Variants in CALN1 observed in about 807,000 individuals in gnomAD.
CALN1 encodes the protein calneuron 1.
A neutral mutation model predicts 30.6 loss-of-function variants in CALN1; 17 were observed. The observed-to-expected ratio is 0.56, with a 90% CI of 0.38 to 0.83. The LOEUF (loss-of-function observed/expected upper bound fraction) is 0.83, where lower values mean the gene tolerates loss of function less well. Among genes scored for constraint, CALN1 ranks in the 40% least tolerant of loss-of-function variants. The probability of loss-of-function intolerance (pLI) is 0.00; values close to 1 mark genes in which losing one functional copy is unlikely to be tolerated. For missense variants in CALN1, 291 were observed against 354.9 expected, an observed-to-expected ratio of 0.82 and a Z score of 1.45; for synonymous variants, 156 against 131.4, an observed-to-expected ratio of 1.19 and a Z score of -1.28.
intron 2 of CALN1, among the ~76,000 whole-genome samples, chr7:72,336,318 C>G (rs975364124): frequency 2.6e-5 from 4 of 152,166 alleles, no homozygotes; most frequent in Admixed American, 2.0e-4. Context: ...CCCCATCGCC[C>G]GGGCGCCTGC....
chr7:72,319,619 A>C (rs1800732011), intron 2 of CALN1, among the ~76,000 whole-genome samples: 2 of 152,228 alleles, frequency 1.3e-5, no homozygotes, highest in South Asian at 4.1e-4. Flanking sequence ...ATGGAACAGG[A>C]GGCCATTATC....
intron 2 of CALN1, among the ~76,000 whole-genome samples, chr7:72,281,112 C>T (rs894966659): frequency 2.0e-5 from 3 of 151,934 alleles, no homozygotes; most frequent in African/African-American, 7.3e-5. Flanking sequence ...CCATTGCTCT[C>T]CAGCCTGGGC....
chr7:72,283,243 G>A lies in CALN1; in HGVS notation c.120-4433C>T, dbSNP rs552072654. On this transcript the variant is annotated intron_variant, in intron 2 of 6. Transcript: ENST00000395275. Reference sequence around the variant, plus strand: ...GTTGTAAATATTAAATAAGATAAACGGCCAGGCATGGTGGCTCACATCTAT... The same window carrying A: ...GTTGTAAATATTAAATAAGATAAACAGCCAGGCATGGTGGCTCACATCTAT... Among the ~76,000 whole-genome samples, 8 of 151,350 alleles carry A rather than the reference G, an allele frequency of 5.3e-5. No individual in the cohort carries two copies. In the East Asian group the frequency reaches 7.9e-4, roughly 15 times the overall value.
In CALN1 at chr7:72,236,380, G is replaced by A. The variant is rs190025449; in HGVS notation, c.244+42306C>T. ...CACTCATCAAGCCCACCCGCCCTCC[G>A]AATCAACTGCAGAAGAAACCAATAA... On this transcript the variant is annotated intron_variant, in intron 3 of 6. Coordinates refer to ENST00000395275, the MANE Select transcript of CALN1 (RefSeq NM_031468.4). Among the ~76,000 whole-genome samples, 16 of 152,170 alleles carry A rather than the reference G, an allele frequency of 1.1e-4. No individual in the cohort carries two copies. In the East Asian group the frequency reaches 2.9e-3, roughly 28 times the overall value.
intron 5 of CALN1, among the ~76,000 whole-genome samples, chr7:72,019,275 T>C (rs921768187): frequency 1.3e-5 from 2 of 152,016 alleles, no homozygotes; most frequent in Non-Finnish European, 2.9e-5. Flanking sequence ...CTGGGGAAAA[T>C]GGAAGGCTTG....
At chr7:72,207,161 T>G in intron 3 of CALN1, among the ~76,000 whole-genome samples, 1 of 152,216 alleles carries the variant, frequency 6.6e-6, no homozygotes, top group Non-Finnish European at 1.5e-5. Flanking sequence ...TCATTTGAGC[T>G]GGTCTTTCTA....
intron 2 of CALN1, among the ~76,000 whole-genome samples, chr7:72,323,667 A>AT (rs1459567392): frequency 3.3e-5 from 5 of 151,018 alleles, no homozygotes; most frequent in South Asian, 2.1e-4. Context: ...ATCTCAAAAA[A>AT]AAAAAAATAA....
intron 5 of CALN1, among the ~76,000 whole-genome samples, chr7:71,916,078 A>G (rs118023928): frequency 6.6e-6 from 1 of 152,248 alleles, no homozygotes; most frequent in Non-Finnish European, 1.5e-5. Context: ...ATTTCCCTAG[A>G]CATCAATGGT....
intron 1 of CALN1, among the ~76,000 whole-genome samples, chr7:72,426,421 G>A (rs1305945227): frequency 1.3e-5 from 2 of 152,196 alleles, no homozygotes; most frequent in East Asian, 1.9e-4. Context: ...GGTTTTATAA[G>A]TATTTAGAAG....
chr7:72,010,587 G>A (rs560813576), intron 5 of CALN1, among the ~76,000 whole-genome samples: 7 of 152,092 alleles, frequency 4.6e-5, no homozygotes, highest in South Asian at 2.1e-4. Context: ...CGAGGTGGGC[G>A]AATCACCTGC....
intron 3 of CALN1, among the ~76,000 whole-genome samples, chr7:72,140,676 T>A (rs1321097020): frequency 6.6e-6 from 1 of 152,218 alleles, no homozygotes. Flanking sequence ...GCAACCCTGG[T>A]TGGCTCTTGA....
intron 2 of CALN1, among the ~76,000 whole-genome samples, chr7:72,360,253 G>A (rs944184234): frequency 1.8e-4 from 27 of 152,152 alleles, no homozygotes; most frequent in African/African-American, 5.8e-4. Context: ...AATTGTCTTT[G>A]TGAAATATCT....
chr7:72,103,477 A>G (rs1806844567), intron 4 of CALN1: 1 of 150,976 alleles, frequency 6.6e-6, no homozygotes, highest in Admixed American at 6.6e-5. Flanking sequence ...GGTGGCAAGG[A>G]CCAGATCTTA....
intron 5 of CALN1, among the ~76,000 whole-genome samples, chr7:71,858,381 T>C (rs1380885740): frequency 6.6e-6 from 1 of 152,002 alleles, no homozygotes; most frequent in Non-Finnish European, 1.5e-5. Flanking sequence ...TTATTAGCAG[T>C]GTGAGAACAG....
At chr7:72,090,994 G>A (rs574333703) in intron 4 of CALN1, among the ~76,000 whole-genome samples, 1 of 152,224 alleles carries the variant, frequency 6.6e-6, no homozygotes, top group Admixed American at 6.5e-5. Flanking sequence ...GAAGGAATGA[G>A]ACCTAGTGTT....
intron 3 of CALN1, among the ~76,000 whole-genome samples, chr7:72,202,135 A>C (rs943666196): frequency 6.6e-6 from 1 of 152,208 alleles, no homozygotes; most frequent in African/African-American, 2.4e-5. Context: ...AAGGGATACA[A>C]GTAACATAAG....
At chr7:72,332,589 T>C (rs1215687602) in intron 2 of CALN1, among the ~76,000 whole-genome samples, 3 of 151,946 alleles carry the variant, frequency 2.0e-5, no homozygotes, top group African/African-American at 7.3e-5. Context: ...TTCCATAGCA[T>C]CCCCTGGGAG....
At chr7:71,973,789 G>A (rs768797016) in intron 5 of CALN1, among the ~76,000 whole-genome samples, 9 of 152,144 alleles carry the variant, frequency 5.9e-5, no homozygotes, top group Non-Finnish European at 8.8e-5. Flanking sequence ...ATAAAATGAC[G>A]CAGCTACGTT....
chr7:72,242,017 C>T (rs1794872962), intron 3 of CALN1, among the ~76,000 whole-genome samples: 1 of 152,156 alleles, frequency 6.6e-6, no homozygotes, highest in African/African-American at 2.4e-5. Flanking sequence ...TTAAATAACT[C>T]TGCACTTGTT....
Sources: gnomAD v4.1 joint callset for allele counts (sites outside exome capture counted in the v4.1 genomes callset) on GRCh38, gnomAD v4.1.1 for gene constraint, MANE v1.5 for transcripts, NCBI Gene and HGNC (gene_info 2026-07-23, HGNC 2026-07-21) for gene names.